The following NOL9 variants were observed in gnomAD, a reference collection of about 807,000 sequenced individuals.
The protein encoded by NOL9 is nucleolar protein 9.
Under a neutral mutation model 67.9 loss-of-function variants are expected in NOL9, and 28 were observed. The observed-to-expected ratio is 0.41, with a 90% CI of 0.31 to 0.57. The LOEUF (loss-of-function observed/expected upper bound fraction) is 0.57. Ranked by LOEUF, NOL9 falls within the 20% of genes least tolerant of loss-of-function variation. The probability of loss-of-function intolerance (pLI) is 0.25; values close to 1 mark genes in which losing one functional copy is unlikely to be tolerated. For missense variants in NOL9, 777 were observed against 897.0 expected, an observed-to-expected ratio of 0.87 and a Z score of 1.71; for synonymous variants, 356 against 352.2, an observed-to-expected ratio of 1.01 and a Z score of -0.12.
At chr1:6,546,275 G>C (rs1384317678) in intron 3 of NOL9, among the ~76,000 whole-genome samples, 4 of 152,140 alleles carry the variant, frequency 2.6e-5, no homozygotes, top group Admixed American at 2.0e-4. Flanking sequence ...AATGAAAAAA[G>C]AATGTGGCTG....
intron 1 of NOL9, among the ~76,000 whole-genome samples, chr1:6,553,211 C>T (rs939629529): frequency 6.6e-6 from 1 of 152,210 alleles, no homozygotes; most frequent in Non-Finnish European, 1.5e-5. Flanking sequence ...CAGACAGACT[C>T]TACCACTCTG....
In NOL9 at chr1:6,526,719, G is replaced by C. The variant is rs1303022192; in HGVS notation, c.1936C>G (p.Pro646Ala). ...NCLLVGAIAI[P>A]HCVLKCQRGI... ...ACCTGGCACTTAAGGACACAATGTG[G>C]AATGGCAATAGCTCCAACGAGCAGA... The change falls in exon 11 of 12, where the codon CCA (proline) becomes GCA (alanine). Residue 646 changes from proline to alanine, a missense_variant. Transcript: ENST00000377705. The C allele has an allele frequency of 1.2e-6, 2 of 1,613,614 alleles. No individual in the cohort carries two copies.
chr1:6,539,956 G>A (rs906422151), intron 6 of NOL9, among the ~76,000 whole-genome samples: 24 of 152,180 alleles, frequency 1.6e-4, no homozygotes, highest in Non-Finnish European at 1.9e-4. Flanking sequence ...CTAGGAAAGA[G>A]GACAAGAGGA....
chr1:6,543,264 C>T (rs1484260305), intron 5 of NOL9, among the ~76,000 whole-genome samples: 5 of 151,058 alleles, frequency 3.3e-5, no homozygotes, highest in Non-Finnish European at 5.9e-5. Context: ...GGCACCATCT[C>T]GGCTCACTGC....
At chr1:6,528,902 G>C (rs1465955984) in intron 10 of NOL9, 92 bp downstream of exon 10, 12 of 1,301,316 alleles carry the variant, frequency 9.2e-6, no homozygotes, top group African/African-American at 1.5e-5. Context: ...CTGTAGCTTA[G>C]ACACAGCTAC....
chr1:6,536,295 G>A lies in NOL9; in HGVS notation c.1076-2854C>T, dbSNP rs544526499. Among the ~76,000 whole-genome samples the A allele has an allele frequency of 6.6e-5, 10 of 152,262 alleles. No homozygotes were observed. In the East Asian group the frequency reaches 1.5e-3, roughly 23 times the overall value. On this transcript the variant is annotated intron_variant, in intron 6 of 11. Transcript: ENST00000377705. The stretch of plus-strand genomic sequence containing the variant: ...CAGGAGGCGGAGCTTGCAGTGAGCC[G>A]AGATCACGCCACTGCACTCCTGCCT...
At chr1:6,538,304 A>G (rs1343108435) in intron 6 of NOL9, among the ~76,000 whole-genome samples, 1 of 152,206 alleles carries the variant, frequency 6.6e-6, no homozygotes, top group Non-Finnish European at 1.5e-5. Flanking sequence ...CATCTCATAA[A>G]GGATTAATAT....
intron 10 of NOL9, among the ~76,000 whole-genome samples, chr1:6,528,333 G>A (rs1557782056): frequency 6.6e-6 from 1 of 152,210 alleles, no homozygotes; most frequent in Non-Finnish European, 1.5e-5. Context: ...GAGAGGAAGT[G>A]GAGAGTTCAG....
intron 6 of NOL9, among the ~76,000 whole-genome samples, chr1:6,534,207 A>G (rs1639097980): frequency 1.3e-5 from 2 of 152,068 alleles, no homozygotes; most frequent in Non-Finnish European, 2.9e-5. Flanking sequence ...AATTTTCATA[A>G]CCCTGTGGCA....
chr1:6,532,432 A>G (rs1639050139), intron 8 of NOL9, 31 bp downstream of exon 8: 1 of 1,581,956 alleles, frequency 6.3e-7, no homozygotes, highest in Admixed American at 1.8e-5. Context: ...GGAAGGAAAA[A>G]TAATTCTTCA....
In NOL9 at chr1:6,529,188, C is replaced by T. The variant is rs376079672; in HGVS notation, c.1648-17G>A. The T allele has an allele frequency of 2.2e-4, 346 of 1,606,886 alleles. 2 individuals are homozygous for T. The African/African-American group carries it at 4.3e-3, about 20-fold the overall frequency. The stretch of plus-strand genomic sequence containing the variant: ...GAAAGGGACCTGGAAAATGAATTTG[C>T]ATCTCACTCTATTCATGGCTACTTT... On this transcript the variant is annotated splice_polypyrimidine_tract_variant and intron_variant, in intron 9 of 11. Transcript: ENST00000377705.
chr1:6,547,952 C>A (rs1465192175), intron 3 of NOL9: 1 of 249,774 alleles, frequency 4.0e-6, no homozygotes, highest in Non-Finnish European at 8.3e-6. Flanking sequence ...AATACATCAT[C>A]ATAGGCTTCC....
intron 2 of NOL9, 76 bp from the exon 3 acceptor site, chr1:6,549,774 T>A (rs1464569492): frequency 6.4e-7 from 1 of 1,560,518 alleles, no homozygotes; most frequent in Admixed American, 1.8e-5. Flanking sequence ...TGCCATCTCC[T>A]CGGCTAAACT....
intron 6 of NOL9, among the ~76,000 whole-genome samples, chr1:6,535,198 T>C (rs915328433): frequency 6.6e-6 from 1 of 152,202 alleles, no homozygotes; most frequent in African/African-American, 2.4e-5. Flanking sequence ...GGTTTAAATA[T>C]GCAATATATG....
chr1:6,542,964 A>T (rs993318437), intron 5 of NOL9, among the ~76,000 whole-genome samples: 2 of 150,032 alleles, frequency 1.3e-5, no homozygotes, highest in Admixed American at 1.3e-4. Flanking sequence ...AGTGATCAGA[A>T]CTCACTGCAG....
At chr1:6,547,501 T>C (rs1364487016) in intron 3 of NOL9, among the ~76,000 whole-genome samples, 3 of 145,784 alleles carry the variant, frequency 2.1e-5, no homozygotes, top group African/African-American at 7.8e-5. Context: ...ATTATAGTAA[T>C]AGTACTTAAG....
chr1:6,553,833 C>G (rs2148663730), intron 1 of NOL9, among the ~76,000 whole-genome samples: 1 of 137,384 alleles, frequency 7.3e-6, no homozygotes, highest in East Asian at 2.2e-4. Context: ...CAGAGTGAGA[C>G]TCTGTCTCAA....
chr1:6,548,488 T>G lies in NOL9; in HGVS notation c.744+1083A>C, dbSNP rs534243387. The G allele has an allele frequency of 3.4e-5, 8 of 237,582 alleles. No individual in the cohort carries two copies. In the South Asian group the frequency reaches 4.9e-4, roughly 15 times the overall value. 14.7% of individuals were successfully genotyped at this position (237,582 alleles called of 1,614,324 possible). On this transcript the variant is annotated intron_variant, in intron 3 of 11. Transcript: ENST00000377705. ...AAGAGATTGTCCAAAACAAAAACCA[T>G]GTCAGCAGAGCCTACGGTGGTTCCA...
chr1:6,528,679 G>A (rs943226975), intron 10 of NOL9, among the ~76,000 whole-genome samples: 1 of 152,218 alleles, frequency 6.6e-6, no homozygotes, highest in Admixed American at 6.5e-5. Flanking sequence ...GGAGGACACT[G>A]CAAAAAGGCA....
Sources: allele counts gnomAD v4.1 joint callset (sites outside exome capture counted in the v4.1 genomes callset), GRCh38; gene constraint gnomAD v4.1.1; transcripts MANE v1.5; gene names NCBI Gene and HGNC (gene_info 2026-07-23, HGNC 2026-07-21).